The following RGSL1 variants were observed in gnomAD, a reference collection of about 807,000 sequenced individuals.
The protein encoded by RGSL1 is regulator of G protein signaling protein-like.
In RGSL1, 97 loss-of-function variants were observed where a neutral mutation model predicts 124.7. That is an observed-to-expected ratio of 0.78 (90% CI 0.66 to 0.92). The LOEUF (loss-of-function observed/expected upper bound fraction) is 0.92, where lower values mean the gene tolerates loss of function less well. RGSL1 is among the 40% of genes least tolerant of loss of function. RGSL1 has a pLI of 0.00. For synonymous variants in RGSL1, 424 were observed against 438.1 expected, an observed-to-expected ratio of 0.97 and a Z score of 0.40; for missense variants, 1,233 against 1,288.4, an observed-to-expected ratio of 0.96 and a Z score of 0.66.
chr1:182,556,408 A>G (rs1270126028), intron 21 of RGSL1, among the ~76,000 whole-genome samples, 186 bp downstream of exon 21: 2 of 152,252 alleles, frequency 1.3e-5, no homozygotes, highest in Admixed American at 6.5e-5. Flanking sequence ...GCAAGGTGCT[A>G]TAATTATCAG....
At position 182,527,770 on chromosome 1, in the gene RGSL1, C is replaced by A; in HGVS notation, c.2123C>A (p.Pro708His). ...IKTFFQGQLS[P>H]EEMLQCDAPI... Reference sequence around the variant, plus strand: ...ACTTTCTTCCAAGGCCAACTCTCTCCTGGTATGCATCCTCTTCTGATCCTG... The same window carrying A: ...ACTTTCTTCCAAGGCCAACTCTCTCATGGTATGCATCCTCTTCTGATCCTG... The change falls in exon 11 of 22, where the codon CCT becomes CAT. Residue 708 changes from proline to histidine, a missense_variant and splice_region_variant. By Grantham distance (77) the Pro-to-His change is moderately conservative (BLOSUM62 -2). Transcript: ENST00000294854. The A allele has an allele frequency of 6.5e-7, 1 of 1,548,304 alleles. No homozygotes were observed. The highest frequency in any genetic ancestry group is 8.7e-7 in the Non-Finnish European group (1 of 1,144,846).
chr1:182,509,645 G>A (rs1323632687), intron 9 of RGSL1, among the ~76,000 whole-genome samples: 2 of 134,244 alleles, frequency 1.5e-5, no homozygotes, highest in Non-Finnish European at 3.2e-5. Context: ...CCTCCCGGAC[G>A]GGGCGGCTGG....
At chr1:182,505,993 T>C (rs1571596117) in intron 9 of RGSL1, among the ~76,000 whole-genome samples, 2 of 152,332 alleles carry the variant, frequency 1.3e-5, no homozygotes, top group East Asian at 3.9e-4. Flanking sequence ...ATTACCTTAT[T>C]GCTCTTACTA....
intron 2 of RGSL1, among the ~76,000 whole-genome samples, chr1:182,456,540 C>T (rs952495972): frequency 6.6e-6 from 1 of 152,162 alleles, no homozygotes; most frequent in Non-Finnish European, 1.5e-5. Flanking sequence ...TCAGATGATC[C>T]GCCTGCCTCG....
chr1:182,486,126 T>C (rs1370614422), intron 6 of RGSL1, among the ~76,000 whole-genome samples: 1 of 152,204 alleles, frequency 6.6e-6, no homozygotes, highest in Non-Finnish European at 1.5e-5. Context: ...AAAATCCTAA[T>C]ACATTCTAAC....
At chr1:182,555,460 TC>T (rs1351524915) in intron 20 of RGSL1, 1 of 155,864 alleles carries the variant, frequency 6.4e-6, no homozygotes, top group Non-Finnish European at 1.4e-5. Context: ...GAAGATCTGT[TC>T]TTCTGCTTGG....
chr1:182,515,294 C>T (rs151063728), intron 9 of RGSL1, among the ~76,000 whole-genome samples: 1 of 152,272 alleles, frequency 6.6e-6, no homozygotes, highest in East Asian at 1.9e-4. Context: ...ATTGGTCCTG[C>T]GCATTTACAT....
At chr1:182,455,528 G>A (rs1216478425) in intron 2 of RGSL1, among the ~76,000 whole-genome samples, 1 of 151,936 alleles carries the variant, frequency 6.6e-6, no homozygotes, top group Non-Finnish European at 1.5e-5. Context: ...GTTGCAGTGA[G>A]CCGAGATTGC....
chr1:182,501,968 G>A (rs1206004897), intron 9 of RGSL1, among the ~76,000 whole-genome samples: 1 of 152,064 alleles, frequency 6.6e-6, no homozygotes. Flanking sequence ...AGAAGTTTGT[G>A]CATTTTTTGA....
intron 21 of RGSL1, among the ~76,000 whole-genome samples, chr1:182,557,044 G>A (rs1450159765): frequency 1.3e-5 from 2 of 152,176 alleles, no homozygotes; most frequent in South Asian, 2.1e-4. Context: ...GGTGATGTTG[G>A]AGCAGAACTC....
At chr1:182,487,110 C>T (rs996635685) in intron 6 of RGSL1, among the ~76,000 whole-genome samples, 8 of 152,044 alleles carry the variant, frequency 5.3e-5, no homozygotes, top group Middle Eastern at 3.2e-3. Flanking sequence ...ACATATTGCT[C>T]GGATTCAATC....
In RGSL1 at chr1:182,556,148, T is replaced by G; in HGVS notation, c.*91T>G. ...TCTGGTCAAAAATGAAAGGTCCTGG[T>G]ACCATCTTCCCCAGAAACGATCAAG... On this transcript the variant is annotated 3_prime_UTR_variant, in exon 21 of 22. Coordinates refer to ENST00000294854, the MANE Select transcript of RGSL1 (RefSeq NM_001137669.2). The G allele has an allele frequency of 7.9e-7, 1 of 1,270,954 alleles. No homozygotes were observed. The highest frequency in any genetic ancestry group is 1.1e-6 in the Non-Finnish European group (1 of 909,564). 78.7% of individuals were successfully genotyped at this position (1,270,954 alleles called of 1,614,324 possible).
chr1:182,461,432 C>G (rs1448534299), intron 4 of RGSL1, among the ~76,000 whole-genome samples: 4 of 151,814 alleles, frequency 2.6e-5, no homozygotes, highest in African/African-American at 9.7e-5. Flanking sequence ...TTCAAATATT[C>G]AGTTTTTAAC....
intron 19 of RGSL1, 28 bp from the exon 20 acceptor site, chr1:182,554,599 T>A (rs1265678315): frequency 1.3e-6 from 2 of 1,548,640 alleles, no homozygotes; most frequent in Non-Finnish European, 1.7e-6. Flanking sequence ...TGAGTCCTGA[T>A]GCAATTTTTC....
chr1:182,448,096 C>T (rs1045725930), upstream of RGSL1: 2 of 152,008 alleles, frequency 1.3e-5, no homozygotes, highest in Non-Finnish European at 2.9e-5. Flanking sequence ...TAACTGTGCA[C>T]TTGGGAAAAG....
chr1:182,508,249 T>A (rs1225704108), intron 9 of RGSL1, among the ~76,000 whole-genome samples: 1 of 151,120 alleles, frequency 6.6e-6, no homozygotes, highest in African/African-American at 2.4e-5. Flanking sequence ...TATCGCATTG[T>A]AATTTTGTTG....
At chr1:182,548,640 AG>A in intron 16 of RGSL1, 59 bp from the exon 17 acceptor site, 1 of 1,543,192 alleles carries the variant, frequency 6.5e-7, no homozygotes, top group Non-Finnish European at 8.7e-7. Flanking sequence ...GGGGGCCAGG[AG>A]AGGTTTTCTG....
intron 9 of RGSL1, among the ~76,000 whole-genome samples, chr1:182,499,859 G>C (rs1281817970): frequency 6.6e-6 from 1 of 152,042 alleles, no homozygotes; most frequent in South Asian, 2.1e-4. Flanking sequence ...TGTAAGGCAG[G>C]TCTGGTGGCA....
chr1:182,554,674 C>A lies in RGSL1; in HGVS notation c.3178C>A (p.Gln1060Lys), dbSNP rs373602257. The A allele has an allele frequency of 5.8e-6, 9 of 1,551,602 alleles. No homozygotes were observed. In the South Asian group the frequency reaches 8.3e-5, roughly 14 times the overall value. The stretch of plus-strand genomic sequence containing the variant: ...GCCAAGACTCGTGGTATCTGCCATG[C>A]AGCTGCATCCCGTCCAGGGGTAGGC... ...TQPRLVVSAMQLHPVQGQKLS... is the reference protein window; with the variant it reads ...TQPRLVVSAMKLHPVQGQKLS... The change falls in exon 20 of 22, where the codon CAG (glutamine) becomes AAG (lysine). Residue 1060 changes from glutamine (Q) to lysine (K), a missense_variant. Coordinates refer to ENST00000294854, the MANE Select transcript of RGSL1 (RefSeq NM_001137669.2).
Sources: gnomAD v4.1 joint callset for allele counts (sites outside exome capture counted in the v4.1 genomes callset) on GRCh38, gnomAD v4.1.1 for gene constraint, MANE v1.5 for transcripts, NCBI Gene and HGNC (gene_info 2026-07-23, HGNC 2026-07-21) for gene names.